The following CTSB variants were observed in gnomAD, a reference collection of about 807,000 sequenced individuals.
CTSB encodes the protein APP secretase.
In CTSB, 57 loss-of-function variants were observed where a neutral mutation model predicts 44.3. The observed-to-expected ratio is 1.29, with a 90% confidence interval of 1.04 to 1.60. CTSB has a LOEUF of 1.60. CTSB is among the 40% of genes most tolerant of loss of function. The pLI, the probability that CTSB is intolerant of heterozygous loss-of-function variation, is 0.00. For missense variants in CTSB, 768 were observed against 443.0 expected, an observed-to-expected ratio of 1.73 and a Z score of -6.59; for synonymous variants, 320 against 168.0, an observed-to-expected ratio of 1.91 and a Z score of -7.00.
chr8:11,846,981 A>T (rs79292174), intron 8 of CTSB, 71 bp downstream of exon 8: 2 of 831,556 alleles, frequency 2.4e-6, no homozygotes, highest in African/African-American at 1.7e-5. Context: ...ATTGGTCAAC[A>T]TGAACCATCC....
chr8:11,845,942 A>C, intron 8 of CTSB, 153 bp from the exon 9 acceptor site: 1 of 748,156 alleles, frequency 1.3e-6, no homozygotes, highest in Non-Finnish European at 2.0e-6. Flanking sequence ...GGGGTCCCAC[A>C]ATACTGGGGA....
chr8:11,847,551 C>A, intron 7 of CTSB, 128 bp downstream of exon 7: 1 of 1,038,886 alleles, frequency 9.6e-7, no homozygotes, highest in East Asian at 2.6e-5. Context: ...GCATCACTCC[C>A]CCTCCTCTAT....
chr8:11,852,096 G>A (rs1310747005), intron 3 of CTSB, among the ~76,000 whole-genome samples: 1 of 152,194 alleles, frequency 6.6e-6, no homozygotes, highest in Non-Finnish European at 1.5e-5. Flanking sequence ...AAACACTGGG[G>A]GTGGCTCATG....
In CTSB at chr8:11,847,778, CG is replaced by C. The variant is rs1254065601; in HGVS notation, c.576del (p.Asn192LysfsTer83). The C allele has an allele frequency of 4.4e-6, 7 of 1,599,094 alleles. No homozygotes were observed. Among genetic ancestry groups the C allele is most frequent in the Non-Finnish European group, 6.0e-6 (7 of 1,175,786 alleles). ...YSIPPCEHHV[N>X]GSRPPCTGEG... ...TCCCCCGTGCATGGGGGCCGGGAGC[CG>C]TTGACGTGGTGCTCACAGGGAGGGA... is the stretch of plus-strand genomic sequence containing the variant. On this transcript the variant is annotated frameshift_variant, in exon 7 of 10. Coordinates refer to ENST00000353047, the MANE Select transcript of CTSB (RefSeq NM_001908.5). LOFTEE classifies it high-confidence loss of function.
chr8:11,848,076 A>T lies in CTSB; in HGVS notation c.523T>A (p.Ser175Thr). 2 of 1,612,720 alleles carry T rather than the reference A, an allele frequency of 1.2e-6. No homozygotes were observed. The highest frequency in any genetic ancestry group is 1.7e-6 in the Non-Finnish European group (2 of 1,179,050). ...KGLVSGGLYE[S>T]HVGCRPYSIP... ...AAGGGGACACACTTACCTACATGGG[A>T]TTCATAGAGGCCACCAGAAACCAGG... is the stretch of plus-strand genomic sequence containing the variant. The change falls in exon 6 of 10, where the codon TCC (serine) becomes ACC (threonine). Residue 175 changes from serine (S) to threonine (T), a missense_variant. Ser to Thr is a moderately conservative substitution (Grantham distance 58, BLOSUM62 1). Coordinates refer to ENST00000353047, the MANE Select transcript of CTSB (RefSeq NM_001908.5).
intron 1 of CTSB, among the ~76,000 whole-genome samples, chr8:11,866,300 C>G (rs1817140644): frequency 6.6e-6 from 1 of 152,228 alleles, no homozygotes; most frequent in African/African-American, 2.4e-5. Context: ...GGGCCACCAC[C>G]CCTCACCGCC....
At chr8:11,863,322 G>A (rs1345184856) in intron 1 of CTSB, among the ~76,000 whole-genome samples, 1 of 152,054 alleles carries the variant, frequency 6.6e-6, no homozygotes, top group African/African-American at 2.4e-5. Context: ...AGCTGGGCGT[G>A]GTGGCACACG....
intron 9 of CTSB, among the ~76,000 whole-genome samples, 191 bp downstream of exon 9, chr8:11,845,470 C>T (rs966815170): frequency 1.3e-5 from 2 of 152,226 alleles, no homozygotes; most frequent in Non-Finnish European, 2.9e-5. Flanking sequence ...GGCGTTGGCT[C>T]TGAAGCTGCT....
At position 11,847,065 on chromosome 8, in the gene CTSB, C is replaced by G. The variant is rs374373732; in HGVS notation, c.780G>C (p.Leu260=). ...EGAFSVYSDF[L]LYKSGVYQHV... ...ATCAGCACGCACCTGACTTGTAGAGCAGGAAGTCCGAATACACAGAGAAAG... is the reference window on the plus strand; with the variant it reads ...ATCAGCACGCACCTGACTTGTAGAGGAGGAAGTCCGAATACACAGAGAAAG... The change falls in exon 8 of 10, where the codon CTG becomes CTC. Residue 260 remains leucine, a synonymous_variant. Coordinates refer to ENST00000353047, the MANE Select transcript of CTSB (RefSeq NM_001908.5). The G allele has an allele frequency of 5.0e-6, 8 of 1,601,212 alleles. No homozygotes were observed. In the African/African-American group the frequency reaches 1.1e-4, roughly 21 times the overall value.
chr8:11,850,760 T>C, intron 4 of CTSB, 106 bp downstream of exon 4: 2 of 685,870 alleles, frequency 2.9e-6, no homozygotes, highest in Non-Finnish European at 4.9e-6. Context: ...AGAAAGTTTC[T>C]ATAACTTGCC....
At chr8:11,862,761 G>A (rs898011098) in intron 1 of CTSB, among the ~76,000 whole-genome samples, 2 of 152,260 alleles carry the variant, frequency 1.3e-5, no homozygotes, top group Admixed American at 1.3e-4. Context: ...CCAGAGTCCA[G>A]GTCAGCACGT....
rs8005 is a variant in CTSB at position 11,843,587 on chromosome 8, A to C, written c.*1538T>G. ...GGCATACAAATTCAAAATACTGTAT[A>C]CAGGCCCTGACTCCAGCCCAAACCA... On this transcript the variant is annotated 3_prime_UTR_variant, in exon 10 of 10. Transcript: ENST00000353047. 0.7 allele frequency: 106,461 copies of C among 152,232 alleles called. 37,923 individuals are homozygous for C. Among genetic ancestry groups the C allele is most frequent in the East Asian group, 0.97 (5,015 of 5,184 alleles). 9.4% of individuals were successfully genotyped at this position (152,232 alleles called of 1,614,324 possible).
intron 3 of CTSB, among the ~76,000 whole-genome samples, chr8:11,852,251 G>A (rs1382903998): frequency 6.6e-6 from 1 of 151,924 alleles, no homozygotes; most frequent in African/African-American, 2.4e-5. Context: ...CAAGCCTGTG[G>A]CCCCAGCTAC....
chr8:11,849,348 G>C (rs529721244), intron 4 of CTSB, 184 bp from the exon 5 acceptor site: 3 of 457,516 alleles, frequency 6.6e-6, no homozygotes, highest in Non-Finnish European at 4.1e-6. Context: ...GTCTTGCTAC[G>C]TTGGCCAGAC....
intron 1 of CTSB, among the ~76,000 whole-genome samples, chr8:11,860,666 C>T (rs1234938693): frequency 6.6e-6 from 1 of 152,110 alleles, no homozygotes; most frequent in East Asian, 1.9e-4. Context: ...AAGTCAAGTG[C>T]TTACATTTTG....
intron 9 of CTSB, 110 bp downstream of exon 9, chr8:11,845,551 G>T (rs1036063142): frequency 6.7e-6 from 9 of 1,335,274 alleles, no homozygotes; most frequent in South Asian, 4.4e-5. Flanking sequence ...CAGCCTGGCC[G>T]TAGGTCCAGG....
chr8:11,849,213 C>A (rs202040042), intron 4 of CTSB, 49 bp from the exon 5 acceptor site: 6 of 1,517,600 alleles, frequency 4.0e-6, no homozygotes, highest in Non-Finnish European at 5.5e-6. Flanking sequence ...CGGGCTGGGC[C>A]CTCTGCAGCA....
rs1813802178 is a variant in CTSB at position 11,848,147 on chromosome 8, T to C, written c.452A>G (p.Asn151Ser). Reference protein sequence around the residue: ...CCGSMCGDGCNGGYPAEAWNF... With the variant: ...CCGSMCGDGCSGGYPAEAWNF... ...CCAAGCTTCAGCAGGATAGCCACCA[T>C]TACAGCTGAAAAGACAGCCTCTAAT... Residue 151 changes from asparagine to serine, a missense_variant, in exon 6 of 10, where the codon AAT becomes AGT. Physicochemically the swap from Asn to Ser is conservative, Grantham distance 46. Transcript: ENST00000353047. The C allele has an allele frequency of 6.2e-7, 1 of 1,613,946 alleles. No homozygotes were observed. Among genetic ancestry groups the C allele is most frequent in the East Asian group, 2.2e-5 (1 of 44,890 alleles).
intron 9 of CTSB, among the ~76,000 whole-genome samples, 178 bp downstream of exon 9, chr8:11,845,481 CAG>C (rs1563376801): frequency 6.6e-6 from 1 of 152,216 alleles, no homozygotes; most frequent in East Asian, 1.9e-4. Flanking sequence ...TGAAGCTGCT[CAG>C]AGTCTGCCCT....
Sources: gnomAD v4.1 joint callset for allele counts (sites outside exome capture counted in the v4.1 genomes callset) on GRCh38, gnomAD v4.1.1 for gene constraint, MANE v1.5 for transcripts, NCBI Gene and HGNC (gene_info 2026-07-23, HGNC 2026-07-21) for gene names.